PTCHD4: variants seen among roughly 807,000 people sequenced by gnomAD.
PTCHD4 encodes patched domain-containing protein 4.
In PTCHD4, 33 loss-of-function variants were observed where a neutral mutation model predicts 58.1. The observed-to-expected ratio is 0.57, with a 90% CI of 0.43 to 0.76. PTCHD4 has a LOEUF of 0.76. Among genes scored for constraint, PTCHD4 ranks in the 30% least tolerant of loss-of-function variants. PTCHD4 has a pLI of 0.00. For synonymous variants in PTCHD4, 478 were observed against 409.6 expected, an observed-to-expected ratio of 1.17 and a Z score of -2.02; for missense variants, 1,058 against 1,027.1, an observed-to-expected ratio of 1.03 and a Z score of -0.41.
chr6:48,068,232 T>C lies in PTCHD4; in HGVS notation c.415A>G (p.Lys139Glu). The change falls in exon 3 of 5, where the codon AAG (lysine) becomes GAG (glutamate). Residue 139 changes from lysine (K) to glutamate (E), a missense_variant and splice_region_variant. Transcript: ENST00000339488. This position sits in a 1 kb window ranked among gnomAD's most constrained non-coding sequence, Gnocchi z 4.2. ...LQTHRAVLEM[K>E]DGRNSFIGHQ... ...TAATTATAGCCCTTGTGGTTCACCT[T>C]CATTTCCAGCACGGCTCGGTGGGTC... 6.4e-7 allele frequency: 1 copy of C among 1,562,222 alleles called. No individual in the cohort carries two copies. The highest frequency in any genetic ancestry group is 8.7e-7 in the Non-Finnish European group (1 of 1,152,896).
chr6:48,085,385 C>T (rs1161876863), intron 1 of PTCHD4, among the ~76,000 whole-genome samples: 1 of 152,104 alleles, frequency 6.6e-6, no homozygotes, highest in Non-Finnish European at 1.5e-5. Context: ...AGAACATTCT[C>T]ACATATAAGC....
At chr6:48,041,894 T>C (rs1458365963) in intron 3 of PTCHD4, among the ~76,000 whole-genome samples, 1 of 151,878 alleles carries the variant, frequency 6.6e-6, no homozygotes, top group Non-Finnish European at 1.5e-5. Context: ...ATATAACTAG[T>C]AAAAAAAATT....
At chr6:48,053,129 G>A (rs145899694) in intron 3 of PTCHD4, among the ~76,000 whole-genome samples, 1 of 152,064 alleles carries the variant, frequency 6.6e-6, no homozygotes, top group Non-Finnish European at 1.5e-5. Flanking sequence ...GAATGAATGA[G>A]AGATCTCAGG....
intron 3 of PTCHD4, among the ~76,000 whole-genome samples, chr6:48,032,584 A>G (rs1763487302): frequency 6.6e-6 from 1 of 152,162 alleles, no homozygotes; most frequent in African/African-American, 2.4e-5. Flanking sequence ...TTACAAAGCA[A>G]TAACATATTG....
At chr6:48,108,978 A>G (rs1765805961) in intron 1 of PTCHD4, among the ~76,000 whole-genome samples, 1 of 152,176 alleles carries the variant, frequency 6.6e-6, no homozygotes. Flanking sequence ...GAAAAATAAG[A>G]TAACATTATG....
Position 47,936,466 on chromosome 6 carries a change from C to A in PTCHD4, c.899-56530G>T, listed in dbSNP as rs146682005. The stretch of plus-strand genomic sequence containing the variant: ...AACATAATTTCGAAAAGCCCTGATA[C>A]CATGACTCTCTCTTGATTGAGATAA... On this transcript the variant is annotated intron_variant, in intron 4 of 4. Coordinates refer to ENST00000339488, the MANE Select transcript of PTCHD4 (RefSeq NM_001384253.1). Among the ~76,000 whole-genome samples, 274 of 152,304 alleles carry A rather than the reference C, an allele frequency of 1.8e-3. 2 individuals carry two copies. Among genetic ancestry groups the A allele is most frequent in the African/African-American group, 6.1e-3 (255 of 41,564 alleles).
intron 1 of PTCHD4, among the ~76,000 whole-genome samples, chr6:48,076,280 G>C (rs192743425): frequency 1.3e-5 from 2 of 152,180 alleles, no homozygotes; most frequent in South Asian, 4.1e-4. Context: ...CACATCTGCT[G>C]TTGCTTTCTC....
Position 47,867,955 on chromosome 6 carries a change from A to G in PTCHD4, c.*10348T>C, listed in dbSNP as rs1040654691. On this transcript the variant is annotated 3_prime_UTR_variant, in exon 5 of 5. Coordinates refer to ENST00000339488, the MANE Select transcript of PTCHD4 (RefSeq NM_001384253.1). ...GGTACTTCAGAAACCCATCTACATCAAATCTTGATCCTAAAATGGGACTGA... is the reference window on the plus strand; with the variant it reads ...GGTACTTCAGAAACCCATCTACATCGAATCTTGATCCTAAAATGGGACTGA... Among the ~76,000 whole-genome samples, 1 of 151,704 alleles carries G rather than the reference A, an allele frequency of 6.6e-6. No individual in the cohort carries two copies. The highest frequency in any genetic ancestry group is 1.5e-5 in the Non-Finnish European group (1 of 67,804).
intron 4 of PTCHD4, among the ~76,000 whole-genome samples, chr6:47,925,171 T>C (rs1278738505): frequency 6.8e-6 from 1 of 147,270 alleles, no homozygotes; most frequent in African/African-American, 2.6e-5. Flanking sequence ...TATATGTGTA[T>C]ATTATATATA....
intron 4 of PTCHD4, among the ~76,000 whole-genome samples, chr6:47,926,929 A>C (rs1183102358): frequency 6.6e-6 from 1 of 152,186 alleles, no homozygotes; most frequent in Non-Finnish European, 1.5e-5. Flanking sequence ...GATTATTGAA[A>C]CACTTGCACC....
chr6:47,996,508 C>G (rs924457870), intron 4 of PTCHD4, among the ~76,000 whole-genome samples: 4 of 152,232 alleles, frequency 2.6e-5, no homozygotes, highest in African/African-American at 9.6e-5. Flanking sequence ...CCGCAGTACC[C>G]TCTGCACCCC....
rs552680212 is a variant in PTCHD4 at position 48,010,023 on chromosome 6, A to G, written c.418-909T>C. Among the ~76,000 whole-genome samples the G allele has an allele frequency of 5.4e-4, 82 of 152,336 alleles. No individual in the cohort carries two copies. The South Asian group carries it at 6.6e-3, about 12-fold the overall frequency. On this transcript the variant is annotated intron_variant, in intron 3 of 4. Coordinates refer to ENST00000339488, the MANE Select transcript of PTCHD4 (RefSeq NM_001384253.1). ...GGTATTTCTCATCCAGTGTGCCCCA[A>G]CATGAAGAAAGAAATCTCGAAGAGC...
intron 1 of PTCHD4, among the ~76,000 whole-genome samples, chr6:48,070,315 C>T (rs928542895): frequency 2.6e-5 from 4 of 152,074 alleles, no homozygotes; most frequent in African/African-American, 9.7e-5. Context: ...TGAAAGTGCC[C>T]ATTTTTAATT....
chr6:48,070,114 AGTGTGTGTTT>A (rs1253198801), intron 1 of PTCHD4, among the ~76,000 whole-genome samples, 188 bp from the exon 2 acceptor site: 2 of 139,794 alleles, frequency 1.4e-5, no homozygotes, highest in South Asian at 5.2e-4. Flanking sequence ...AATATTAATA[AGTGTGTGTTT>A]GTGTGTGTGT....
At position 47,858,196 on chromosome 6, in the gene PTCHD4, G is replaced by T. The variant is rs1436537605; in HGVS notation, c.*20107C>A. On this transcript the variant is annotated 3_prime_UTR_variant, in exon 5 of 5. Coordinates refer to ENST00000339488, the MANE Select transcript of PTCHD4 (RefSeq NM_001384253.1). ...ACTCCAGCAATTATAGGAGAGGGAA[G>T]GTTTTCATAAACATACTTGATTTTA... 6.6e-6 allele frequency among the ~76,000 whole-genome samples: 1 copy of T among 151,794 alleles called. No homozygotes were observed. The highest frequency in any genetic ancestry group is 1.5e-5 in the Non-Finnish European group (1 of 67,912).
chr6:48,027,279 C>A (rs2114124172), intron 3 of PTCHD4, among the ~76,000 whole-genome samples: 1 of 151,934 alleles, frequency 6.6e-6, no homozygotes, highest in African/African-American at 2.4e-5. Context: ...AAAAACTAAC[C>A]CAAATGTTTT....
At chr6:48,002,585 A>C (rs1319117923) in intron 4 of PTCHD4, among the ~76,000 whole-genome samples, 1 of 151,604 alleles carries the variant, frequency 6.6e-6, no homozygotes, top group East Asian at 1.9e-4. Flanking sequence ...CAGGAAGGGG[A>C]ATATCACACA....
intron 4 of PTCHD4, among the ~76,000 whole-genome samples, chr6:47,976,654 CAAAA>C (rs1350103190): frequency 2.7e-5 from 2 of 74,628 alleles, no homozygotes; most frequent in African/African-American, 1.0e-4. Context: ...GACTCCATAT[CAAAA>C]TAAATAAATA....
intron 4 of PTCHD4, among the ~76,000 whole-genome samples, chr6:47,957,249 TTA>T (rs1554162147): frequency 6.8e-6 from 1 of 147,768 alleles, no homozygotes; most frequent in Admixed American, 6.8e-5. Flanking sequence ...TGGTTAAGGT[TTA>T]TATATATATA....
Sources: gnomAD v4.1 joint callset for allele counts (sites outside exome capture counted in the v4.1 genomes callset) on GRCh38, gnomAD v4.1.1 for gene constraint, Gnocchi (gnomAD v3.1) non-coding constraint, MANE v1.5 for transcripts, NCBI Gene and HGNC (gene_info 2026-07-23, HGNC 2026-07-21) for gene names.